The following CTNNBL1 variants were observed in gnomAD, a reference collection of about 807,000 sequenced individuals.
CTNNBL1 encodes beta-catenin-like protein 1.
In CTNNBL1, 31 loss-of-function variants were observed where a neutral mutation model predicts 72.7. That is an observed-to-expected ratio of 0.43 (90% CI 0.32 to 0.58). CTNNBL1 has a LOEUF of 0.58. Among genes scored for constraint, CTNNBL1 ranks in the 20% least tolerant of loss-of-function variants. The pLI, the probability that CTNNBL1 is intolerant of heterozygous loss-of-function variation, is 0.08. For synonymous variants in CTNNBL1, 240 were observed against 267.3 expected (o/e 0.90, Z 1.00); for missense variants, 534 against 725.1 (o/e 0.74, Z 3.03).
chr20:37,817,631 G>C (rs1490606264), intron 11 of CTNNBL1, among the ~76,000 whole-genome samples: 1 of 152,092 alleles, frequency 6.6e-6, no homozygotes, highest in African/African-American at 2.4e-5. Flanking sequence ...GCTTCTTAAC[G>C]TTTATATCAC....
At chr20:37,868,154 A>G (rs893818179) in intron 15 of CTNNBL1, among the ~76,000 whole-genome samples, 6 of 152,212 alleles carry the variant, frequency 3.9e-5, no homozygotes, top group African/African-American at 1.4e-4. Context: ...CCACTGTACC[A>G]TAAGACATTC....
intron 11 of CTNNBL1, among the ~76,000 whole-genome samples, chr20:37,837,920 C>T (rs1012491633): frequency 5.8e-4 from 29 of 49,726 alleles, no homozygotes; most frequent in African/African-American, 1.9e-3. Context: ...GTGAACAAAA[C>T]AAATAAACAA....
intron 13 of CTNNBL1, among the ~76,000 whole-genome samples, chr20:37,842,717 T>A (rs1269416120): frequency 1.3e-5 from 2 of 152,234 alleles, no homozygotes; most frequent in East Asian, 3.8e-4. Flanking sequence ...TACAAGGCTG[T>A]GACCTGGTAC....
intron 4 of CTNNBL1, among the ~76,000 whole-genome samples, chr20:37,755,268 G>A (rs2073354326): frequency 6.6e-6 from 1 of 152,144 alleles, no homozygotes; most frequent in Non-Finnish European, 1.5e-5. Flanking sequence ...TTTTAGAGAG[G>A]GAGAACTACT....
At chr20:37,704,543 C>T (rs567110266) in intron 1 of CTNNBL1, among the ~76,000 whole-genome samples, 140 of 151,078 alleles carry the variant, frequency 9.3e-4, no homozygotes, top group African/African-American at 3.0e-3. Context: ...AGTGAGACAT[C>T]GTCTCAAAAA....
Position 37,728,010 on chromosome 20 carries a change from C to G in CTNNBL1, c.31-4869C>G, listed in dbSNP as rs2073099127. ...ATTTTTAGTGTGACTCTTTCACGAA[C>G]AGACAGGACTTCAACTTTTTGCGTC... On this transcript the variant is annotated intron_variant, in intron 1 of 15. Transcript: ENST00000361383. Among the ~76,000 whole-genome samples, 5 of 152,330 alleles carry G rather than the reference C, an allele frequency of 3.3e-5. 1 individual carries two copies. The South Asian group carries it at 1.0e-3, about 32-fold the overall frequency.
intron 13 of CTNNBL1, among the ~76,000 whole-genome samples, chr20:37,853,732 C>T (rs2072415919): frequency 6.6e-6 from 1 of 152,230 alleles, no homozygotes; most frequent in South Asian, 2.1e-4. Context: ...AGATAGAGGA[C>T]TGCCCACACT....
intron 10 of CTNNBL1, among the ~76,000 whole-genome samples, chr20:37,794,214 C>G (rs2073750079): frequency 7.4e-6 from 1 of 134,762 alleles, no homozygotes; most frequent in African/African-American, 2.8e-5. Flanking sequence ...GGGTCAGTTT[C>G]CTTCTGCCTA....
At chr20:37,837,357 A>G (rs2072264140) in intron 11 of CTNNBL1, among the ~76,000 whole-genome samples, 1 of 152,134 alleles carries the variant, frequency 6.6e-6, no homozygotes, top group African/African-American at 2.4e-5. Flanking sequence ...ACACCACCTC[A>G]ATCCCAGCTT....
At position 37,694,038 on chromosome 20, in the gene CTNNBL1, C is replaced by A; in HGVS notation, c.-85C>A. On this transcript the variant is annotated 5_prime_UTR_variant, in exon 1 of 16. Coordinates refer to ENST00000361383, the MANE Select transcript of CTNNBL1 (RefSeq NM_030877.5). ...CTGCGGCTCCGCTCGCCGCACTTTA[C>A]GGCAGTGTGGCTGGAGCCGCGGCTG... 6.8e-7 allele frequency: 1 copy of A among 1,468,808 alleles called. No homozygotes were observed. Among genetic ancestry groups the A allele is most frequent in the East Asian group, 2.4e-5 (1 of 41,320 alleles). 91.0% of individuals were successfully genotyped at this position (1,468,808 alleles called of 1,614,324 possible).
intron 5 of CTNNBL1, 89 bp downstream of exon 5, chr20:37,757,745 G>A: frequency 1.1e-6 from 1 of 870,404 alleles, no homozygotes; most frequent in Non-Finnish European, 1.9e-6. Flanking sequence ...CCACCAGGTG[G>A]AACTCCACGG....
chr20:37,824,272 G>C (rs1436402749), intron 11 of CTNNBL1, among the ~76,000 whole-genome samples: 1 of 152,222 alleles, frequency 6.6e-6, no homozygotes. Flanking sequence ...TTCCAGCAAG[G>C]TTCTTCGGAG....
intron 13 of CTNNBL1, among the ~76,000 whole-genome samples, chr20:37,847,430 G>T (rs2072355777): frequency 6.6e-6 from 1 of 152,020 alleles, no homozygotes; most frequent in African/African-American, 2.4e-5. Context: ...ACTTTTCAAG[G>T]GCATGTAATT....
intron 3 of CTNNBL1, among the ~76,000 whole-genome samples, chr20:37,740,963 A>G (rs558308190): frequency 6.6e-6 from 1 of 152,306 alleles, no homozygotes; most frequent in South Asian, 2.1e-4. Flanking sequence ...CAGTGATTGC[A>G]TTTAGGACTT....
intron 13 of CTNNBL1, among the ~76,000 whole-genome samples, chr20:37,859,186 G>A (rs1346633074): frequency 6.6e-6 from 1 of 152,080 alleles, no homozygotes; most frequent in East Asian, 1.9e-4. Flanking sequence ...GAGAACTCTT[G>A]TCTCTACTAA....
chr20:37,702,693 T>C (rs6012865), intron 1 of CTNNBL1, among the ~76,000 whole-genome samples: 8 of 152,318 alleles, frequency 5.3e-5, no homozygotes, highest in African/African-American at 1.9e-4. Flanking sequence ...TTCCTCCCTC[T>C]GCGTTCTTCT....
intron 7 of CTNNBL1, among the ~76,000 whole-genome samples, chr20:37,771,753 A>G (rs1379273125): frequency 6.6e-6 from 1 of 152,136 alleles, no homozygotes; most frequent in East Asian, 1.9e-4. Context: ...TGTAGCCTCT[A>G]TCACTTTTAG....
At chr20:37,838,971 A>G (rs1243549106) in intron 11 of CTNNBL1, among the ~76,000 whole-genome samples, 1 of 152,230 alleles carries the variant, frequency 6.6e-6, no homozygotes, top group African/African-American at 2.4e-5. Context: ...GTCAGCATTC[A>G]GAGGACAGGA....
chr20:37,835,982 AAT>A (rs1278905305), intron 11 of CTNNBL1, among the ~76,000 whole-genome samples: 1 of 152,264 alleles, frequency 6.6e-6, no homozygotes, highest in African/African-American at 2.4e-5. Flanking sequence ...TGGGAAAAGA[AAT>A]ATATTAGTAT....
Sources: allele counts gnomAD v4.1 joint callset (sites outside exome capture counted in the v4.1 genomes callset), GRCh38; gene constraint gnomAD v4.1.1; transcripts MANE v1.5; gene names NCBI Gene and HGNC (gene_info 2026-07-23, HGNC 2026-07-21).